The following XPOT variants were observed in gnomAD, a reference collection of about 807,000 sequenced individuals.
XPOT encodes exportin-T.
XPOT carries 34 observed loss-of-function variants against 128.2 expected under a neutral mutation model. The ratio of observed to expected loss-of-function variants is 0.27; its 90% CI spans 0.20 to 0.35. The LOEUF (loss-of-function observed/expected upper bound fraction) is 0.35, where lower values mean the gene tolerates loss of function less well. Ranked by LOEUF, XPOT falls within the 10% of genes least tolerant of loss-of-function variation. XPOT has a pLI of 1.00. For missense variants in XPOT, 838 were observed against 1,125.3 expected, an observed-to-expected ratio of 0.74 and a Z score of 3.65; for synonymous variants, 348 against 394.3, an observed-to-expected ratio of 0.88 and a Z score of 1.39.
Position 64,425,323 on chromosome 12 carries a change from T to G in XPOT, c.1453-15T>G. The G allele has an allele frequency of 6.2e-7, 1 of 1,611,870 alleles. No individual in the cohort carries two copies. Among genetic ancestry groups the G allele is most frequent in the Non-Finnish European group, 8.5e-7 (1 of 1,179,346 alleles). Reference sequence around the variant, plus strand: ...AATAAATAAGAAGAGGTTTCCTAACTTTTTCCTGATCTAGCTGGTAACATC... The same window carrying G: ...AATAAATAAGAAGAGGTTTCCTAACGTTTTCCTGATCTAGCTGGTAACATC... On this transcript the variant is annotated splice_polypyrimidine_tract_variant and intron_variant, in intron 13 of 24. Coordinates refer to ENST00000332707, the MANE Select transcript of XPOT (RefSeq NM_007235.6).
intron 16 of XPOT, 77 bp from the exon 17 acceptor site, chr12:64,429,972 T>C: frequency 7.6e-7 from 1 of 1,308,202 alleles, no homozygotes; most frequent in Non-Finnish European, 1.0e-6. Flanking sequence ...ACATTTCCTG[T>C]TCCTAATGCA....
At position 64,425,881 on chromosome 12, in the gene XPOT, C is replaced by G. The variant is rs778968414; in HGVS notation, c.1639C>G (p.Leu547Val). 6 of 1,613,998 alleles carry G rather than the reference C, an allele frequency of 3.7e-6. No individual in the cohort carries two copies. In the African/African-American group the frequency reaches 4.0e-5, roughly 11 times the overall value. ...AAAAGTTCGGAGCAGGACGGCTTACCTGTTTTCTAGATTTGTCAAATCTCT... is the reference window on the plus strand; with the variant it reads ...AAAAGTTCGGAGCAGGACGGCTTACGTGTTTTCTAGATTTGTCAAATCTCT... ...SAKVRSRTAY[L>V]FSRFVKSLNK... The change falls in exon 15 of 25, where the codon CTG becomes GTG. Residue 547 changes from leucine to valine, a missense_variant. This residue lies in a region of XPOT where 761 missense variants were observed against 988.3 expected (regional missense o/e 0.77). Transcript: ENST00000332707.
At chr12:64,423,689 A>G (rs1053548853) in intron 11 of XPOT, among the ~76,000 whole-genome samples, 1 of 152,138 alleles carries the variant, frequency 6.6e-6, no homozygotes, top group African/African-American at 2.4e-5. Context: ...CCTGGCCTCA[A>G]GTGATCTGCC....
intron 24 of XPOT, among the ~76,000 whole-genome samples, chr12:64,447,419 T>G (rs2040374884): frequency 6.6e-6 from 1 of 152,246 alleles, no homozygotes; most frequent in South Asian, 2.1e-4. Context: ...AAATAAATAG[T>G]AAATTCCTTA....
At chr12:64,411,351 C>A (rs1254280765) in intron 2 of XPOT, among the ~76,000 whole-genome samples, 1 of 152,032 alleles carries the variant, frequency 6.6e-6, no homozygotes, top group East Asian at 1.9e-4. Context: ...TATTAAATGG[C>A]CTTTACTGTT....
intron 15 of XPOT, among the ~76,000 whole-genome samples, chr12:64,427,276 C>T (rs535652588): frequency 6.6e-6 from 1 of 151,760 alleles, no homozygotes; most frequent in African/African-American, 2.4e-5. Flanking sequence ...TCCATCGCCA[C>T]ACCCGGCTAA....
chr12:64,441,522 T>G (rs1434755006), intron 23 of XPOT, among the ~76,000 whole-genome samples: 1 of 152,242 alleles, frequency 6.6e-6, no homozygotes, highest in Non-Finnish European at 1.5e-5. Context: ...CTGGATTGTT[T>G]TGGCTATTCA....
At chr12:64,447,782 G>A (rs1272697253) in intron 24 of XPOT, among the ~76,000 whole-genome samples, 1 of 152,108 alleles carries the variant, frequency 6.6e-6, no homozygotes, top group Non-Finnish European at 1.5e-5. Context: ...ATTTACCAGT[G>A]TTAATTTGGA....
At chr12:64,409,407 A>T (rs1236455298) in intron 1 of XPOT, among the ~76,000 whole-genome samples, 1 of 152,214 alleles carries the variant, frequency 6.6e-6, no homozygotes, top group Non-Finnish European at 1.5e-5. Flanking sequence ...GATCTTGAAG[A>T]CTAAGAAAGC....
At chr12:64,409,478 G>A (rs1481036383) in intron 1 of XPOT, among the ~76,000 whole-genome samples, 1 of 152,188 alleles carries the variant, frequency 6.6e-6, no homozygotes, top group East Asian at 1.9e-4. Context: ...GCTCATGCCT[G>A]TAATCCCAGC....
chr12:64,418,301 C>G (rs915393016), intron 5 of XPOT, among the ~76,000 whole-genome samples, 186 bp downstream of exon 5: 1 of 152,162 alleles, frequency 6.6e-6, no homozygotes, highest in Non-Finnish European at 1.5e-5. Flanking sequence ...AATATTATAT[C>G]AATGACTGAA....
At position 64,425,822 on chromosome 12, in the gene XPOT, T is replaced by C; in HGVS notation, c.1580T>C (p.Phe527Ser). Reference protein sequence around the residue: ...PQHIPCVLMAFLDHRGLRHSS... With the variant: ...PQHIPCVLMASLDHRGLRHSS... ...AAGTGTCTCCTTCTTTAGATGGCTTTCTTAGATCACAGAGGTCTGCGGCAT... is the reference window on the plus strand; with the variant it reads ...AAGTGTCTCCTTCTTTAGATGGCTTCCTTAGATCACAGAGGTCTGCGGCAT... Residue 527 changes from phenylalanine to serine, a missense_variant, in exon 15 of 25, where the codon TTC becomes TCC. Physicochemically the swap from Phe to Ser is radical, Grantham distance 155. Coordinates refer to ENST00000332707, the MANE Select transcript of XPOT (RefSeq NM_007235.6). The C allele has an allele frequency of 6.2e-7, 1 of 1,613,936 alleles. No individual in the cohort carries two copies.
At chr12:64,417,741 A>G (rs1490929913) in intron 4 of XPOT, among the ~76,000 whole-genome samples, 12 of 152,240 alleles carry the variant, frequency 7.9e-5, no homozygotes. Flanking sequence ...GAGGATTCCT[A>G]GTTCACCTAT....
At chr12:64,441,353 C>CAACTACA (rs2040322997) in intron 23 of XPOT, among the ~76,000 whole-genome samples, 1 of 152,206 alleles carries the variant, frequency 6.6e-6, no homozygotes, top group African/African-American at 2.4e-5. Flanking sequence ...TAGTTCACAG[C>CAACTACA]AACTACAAAC....
At chr12:64,422,948 C>G in intron 9 of XPOT, 57 bp from the exon 10 acceptor site, 3 of 1,395,766 alleles carry the variant, frequency 2.1e-6, no homozygotes, top group African/African-American at 1.5e-5. Flanking sequence ...GAAAAATGTT[C>G]TGATATGCAG....
At chr12:64,423,466 T>G (rs532050228) in intron 11 of XPOT, among the ~76,000 whole-genome samples, 1 of 152,208 alleles carries the variant, frequency 6.6e-6, no homozygotes, top group South Asian at 2.1e-4. Flanking sequence ...CCTTTTTTTT[T>G]GCTTTGAGAC....
chr12:64,427,676 G>A (rs1420848361), intron 15 of XPOT, among the ~76,000 whole-genome samples: 1 of 151,822 alleles, frequency 6.6e-6, no homozygotes, highest in Non-Finnish European at 1.5e-5. Context: ...TGTATTTTTT[G>A]TAGAATCAGT....
rs2040380624 is a variant in XPOT at position 64,448,168 on chromosome 12, A to T, written c.*37A>T. Reference sequence around the variant, plus strand: ...CCCTGTGCCTACTTCATGATCATGAATTCCAGTTAATTTATAAAGAGGCGA... The same window carrying T: ...CCCTGTGCCTACTTCATGATCATGATTTCCAGTTAATTTATAAAGAGGCGA... On this transcript the variant is annotated 3_prime_UTR_variant, in exon 25 of 25. Transcript: ENST00000332707. 6.2e-7 allele frequency: 1 copy of T among 1,609,728 alleles called. No homozygotes were observed. Among genetic ancestry groups the T allele is most frequent in the African/African-American group, 1.3e-5 (1 of 74,838 alleles).
chr12:64,421,242 A>C lies in XPOT; in HGVS notation c.851A>C (p.Asp284Ala), dbSNP rs780256955. Residue 284 changes from aspartate (D) to alanine (A), a missense_variant, in exon 9 of 25, where the codon GAT (aspartate) becomes GCT (alanine). Physicochemically the swap from Asp to Ala is moderately radical, Grantham distance 126. This residue lies in a region of XPOT where 761 missense variants were observed against 988.3 expected (regional missense o/e 0.77). Coordinates refer to ENST00000332707, the MANE Select transcript of XPOT (RefSeq NM_007235.6). The part of the protein sequence containing the change: ...AGFFSIDQEE[D>A]VDFLARFSKL... The stretch of plus-strand genomic sequence containing the variant: ...TGTCTTGATTGCTTATAGGAAGAAG[A>C]TGTTGACTTCCTGGCCAGATTTTCT... 6.2e-7 allele frequency: 1 copy of C among 1,613,144 alleles called. No homozygotes were observed. Among genetic ancestry groups the C allele is most frequent in the Non-Finnish European group, 8.5e-7 (1 of 1,179,186 alleles).
Sources: allele counts gnomAD v4.1 joint callset (sites outside exome capture counted in the v4.1 genomes callset), GRCh38; gene constraint gnomAD v4.1.1; regional missense constraint gnomAD v4.1.1; transcripts MANE v1.5; gene names NCBI Gene and HGNC (gene_info 2026-07-23, HGNC 2026-07-21).